The following ACOT11 variants were observed in gnomAD, a reference collection of about 807,000 sequenced individuals.
ACOT11 encodes the protein acyl-coenzyme A thioesterase 11.
A neutral mutation model predicts 77.5 loss-of-function variants in ACOT11; 69 were observed. The observed-to-expected ratio is 0.89, with a 90% CI of 0.73 to 1.09. ACOT11 has a LOEUF of 1.09. Ranked by LOEUF, ACOT11 falls within the 50% of genes least tolerant of loss-of-function variation. The pLI is 0.00. For missense variants in ACOT11, 766 were observed against 813.7 expected (o/e 0.94, Z 0.71); for synonymous variants, 279 against 313.0 (o/e 0.89, Z 1.15).
At chr1:54,600,622 G>C (rs1286880638) in intron 8 of ACOT11, among the ~76,000 whole-genome samples, 1 of 152,212 alleles carries the variant, frequency 6.6e-6, no homozygotes, top group African/African-American at 2.4e-5. Context: ...GGCGGAGGTT[G>C]CAGTGAGCCA....
intron 1 of ACOT11, among the ~76,000 whole-genome samples, chr1:54,572,102 C>T (rs769130177): frequency 4.6e-5 from 7 of 151,828 alleles, no homozygotes; most frequent in Non-Finnish European, 8.8e-5. Context: ...CCTTCCTGCT[C>T]GCCTCTCTTC....
chr1:54,592,434 C>T (rs1654744723), intron 3 of ACOT11, 112 bp from the exon 4 acceptor site: 1 of 1,028,348 alleles, frequency 9.7e-7, no homozygotes. Flanking sequence ...GCCCTGCAAG[C>T]CATGAAGTTA....
chr1:54,576,929 A>G (rs1246750600), intron 1 of ACOT11, among the ~76,000 whole-genome samples: 1 of 152,246 alleles, frequency 6.6e-6, no homozygotes, highest in Non-Finnish European at 1.5e-5. Flanking sequence ...AGATGAGGAA[A>G]CTAAGGCCCA....
chr1:54,638,410 T>C (rs1295846399), exon 17 of ACOT11: 2 of 152,224 alleles, frequency 1.3e-5, no homozygotes, highest in Non-Finnish European at 1.5e-5. Flanking sequence ...CAGGCTGGAG[T>C]GCAGTGACGA....
At chr1:54,562,591 A>G (rs1653571227) in intron 1 of ACOT11, among the ~76,000 whole-genome samples, 2 of 143,402 alleles carry the variant, frequency 1.4e-5, no homozygotes, top group African/African-American at 2.6e-5. Context: ...CCGGGCGGAG[A>G]GGCTCCTCAC....
chr1:54,559,384 C>T (rs1474450356), intron 1 of ACOT11, among the ~76,000 whole-genome samples: 1 of 152,210 alleles, frequency 6.6e-6, no homozygotes, highest in East Asian at 1.9e-4. Context: ...AAGCTGGCAT[C>T]CCGGGAGCCT....
In ACOT11 at chr1:54,610,241, G is replaced by A. The variant is rs930447318; in HGVS notation, c.*1129G>A. On this transcript the variant is annotated 3_prime_UTR_variant, in exon 16 of 16. Transcript: ENST00000343744. ...TGAAGGCCAGGAGCCCTGTGCTCTT[G>A]ACATCACTGTACTCCCTCTCCCTCC... is the stretch of plus-strand genomic sequence containing the variant. The A allele has an allele frequency of 2.8e-6, 4 of 1,447,792 alleles. No homozygotes were observed. In the African/African-American group the frequency reaches 5.7e-5, roughly 21 times the overall value. The allele number at this position is 1,447,792 out of a possible 1,614,324, so 89.7% of individuals were successfully genotyped here.
chr1:54,562,094 AC>A (rs764825630), intron 1 of ACOT11, among the ~76,000 whole-genome samples: 4,531 of 23,612 alleles, frequency 0.19, 785 homozygotes, highest in Non-Finnish European at 0.23. Flanking sequence ...CGGGGGGCTG[AC>A]CCCCCCAACC....
At chr1:54,562,579 T>TG (rs1653570488) in intron 1 of ACOT11, among the ~76,000 whole-genome samples, 2 of 142,332 alleles carry the variant, frequency 1.4e-5, no homozygotes, top group African/African-American at 2.6e-5. Context: ...ACGGGGTGGC[T>TG]GCCGGGCGGA....
At chr1:54,610,813 G>T (rs1010230102), downstream of ACOT11, 1 of 985,382 alleles carries the variant, frequency 1.0e-6, no homozygotes. Context: ...TATCCTTCCC[G>T]CTCGCTTAGG....
intron 15 of ACOT11, among the ~76,000 whole-genome samples, chr1:54,622,294 A>G (rs1479151561): frequency 1.3e-5 from 2 of 148,882 alleles, no homozygotes; most frequent in Non-Finnish European, 3.0e-5. Flanking sequence ...AAAAAAAAAA[A>G]AAAAGGCCAG....
chr1:54,553,540 G>A (rs1653147461), intron 1 of ACOT11, among the ~76,000 whole-genome samples: 1 of 151,730 alleles, frequency 6.6e-6, no homozygotes, highest in South Asian at 2.1e-4. Context: ...ATGTTTTGAA[G>A]TACGTATACA....
At chr1:54,561,155 G>A (rs1288144232) in intron 1 of ACOT11, among the ~76,000 whole-genome samples, 1 of 144,546 alleles carries the variant, frequency 6.9e-6, no homozygotes, top group Non-Finnish European at 1.5e-5. Flanking sequence ...CACAGAGGGG[G>A]ATTTGGCAGG....
At chr1:54,561,855 G>A (rs1311231496) in intron 1 of ACOT11, among the ~76,000 whole-genome samples, 1 of 100,448 alleles carries the variant, frequency 1.0e-5, no homozygotes, top group African/African-American at 4.7e-5. Context: ...CAGTAGGGGC[G>A]GCCGGGCAGA....
chr1:54,562,518 T>C (rs1478955508), intron 1 of ACOT11, among the ~76,000 whole-genome samples: 13 of 56,064 alleles, frequency 2.3e-4, no homozygotes, highest in South Asian at 6.5e-4. Flanking sequence ...CCCTCCCGGA[T>C]GGGGCGGCTG....
chr1:54,563,187 A>G (rs1436603193), intron 1 of ACOT11, among the ~76,000 whole-genome samples: 2 of 152,208 alleles, frequency 1.3e-5, no homozygotes, highest in African/African-American at 2.4e-5. Context: ...GGGTTTCGCC[A>G]TGTTGCCAAG....
Position 54,582,611 on chromosome 1 carries a change from G to C in ACOT11, c.34-2044G>C, listed in dbSNP as rs1485391111. 7 of 766,684 alleles carry C rather than the reference G, an allele frequency of 9.1e-6. No homozygotes were observed. The South Asian group carries it at 2.4e-4, about 26-fold the overall frequency. 47.5% of individuals were successfully genotyped at this position (766,684 alleles called of 1,614,324 possible). On this transcript the variant is annotated intron_variant, in intron 1 of 15. Transcript: ENST00000343744. ...GGGTTGACCAGGTGAGAAGCAGAGA[G>C]AGGACCAGAGCTTAGGTATCATGAC...
At chr1:54,610,411 C>A, downstream of ACOT11, 2 of 1,612,858 alleles carry the variant, frequency 1.2e-6, no homozygotes, top group South Asian at 1.1e-5. Context: ...GTAGACCTTA[C>A]CTGGGAGGGT....
intron 9 of ACOT11, 116 bp downstream of exon 9, chr1:54,601,529 C>T: frequency 6.9e-7 from 1 of 1,444,208 alleles, no homozygotes; most frequent in Non-Finnish European, 9.2e-7. Context: ...GCCCACCCTA[C>T]CCCCGTGCTG....
Sources: allele counts gnomAD v4.1 joint callset (sites outside exome capture counted in the v4.1 genomes callset), GRCh38; gene constraint gnomAD v4.1.1; transcripts MANE v1.5; gene names NCBI Gene and HGNC (gene_info 2026-07-23, HGNC 2026-07-21).